The following ZP4 variants were observed in gnomAD, a reference collection of about 807,000 sequenced individuals.
The protein encoded by ZP4 is zona pellucida sperm-binding protein 4.
A neutral mutation model predicts 62.3 loss-of-function variants in ZP4; 62 were observed. The ratio of observed to expected loss-of-function variants is 0.99; its 90% confidence interval spans 0.81 to 1.23. The LOEUF is 1.23. Ranked by LOEUF, ZP4 falls within the 50% of genes most tolerant of loss-of-function variation. The probability of loss-of-function intolerance (pLI) is 0.00; values close to 1 mark genes in which losing one functional copy is unlikely to be tolerated. For synonymous variants in ZP4, 289 were observed against 247.3 expected (o/e 1.17, Z -1.58); for missense variants, 774 against 656.0 (o/e 1.18, Z -1.97).
intron 10 of ZP4, 44 bp from the exon 11 acceptor site, chr1:237,882,890 C>A (rs753881081): frequency 6.5e-7 from 1 of 1,546,990 alleles, no homozygotes. Context: ...TTTTTGCACA[C>A]ATAGGGCAGG....
At position 237,885,854 on chromosome 1, in the gene ZP4, CTACT is replaced by C. The variant is rs1558532649; in HGVS notation, c.868_871del (p.Ser290AlafsTer49). ...CTGGACATTGATTGGGAGAGAGTTG[CTACT>C]TACTGAGTAGCTGCAGCTGACATGG... On this transcript the variant is annotated frameshift_variant, in exon 7 of 12. Coordinates refer to ENST00000366570, the MANE Select transcript of ZP4 (RefSeq NM_021186.5). LOFTEE classifies it high-confidence loss of function. The C allele has an allele frequency of 6.2e-7, 1 of 1,614,134 alleles. No individual in the cohort carries two copies. Among genetic ancestry groups the C allele is most frequent in the East Asian group, 2.2e-5 (1 of 44,862 alleles).
chr1:237,883,967 A>AACACAC (rs201363836), intron 10 of ZP4, among the ~76,000 whole-genome samples: 13 of 86,566 alleles, frequency 1.5e-4, no homozygotes, highest in African/African-American at 6.8e-4. Flanking sequence ...CACACACACA[A>AACACAC]ACACACACAC....
Position 237,889,349 on chromosome 1 carries a change from G to A in ZP4, c.400+518C>T, listed in dbSNP as rs907527594. ...TTTTTTTTTTTTGAGACAGGGTTTC[G>A]CTCTTGTTGCCCAGGCTGTAGTGCA... On this transcript the variant is annotated intron_variant, in intron 3 of 11. Coordinates refer to ENST00000366570, the MANE Select transcript of ZP4 (RefSeq NM_021186.5). 2.8e-4 allele frequency among the ~76,000 whole-genome samples: 40 copies of A among 141,218 alleles called. 1 individual carries two copies. Among genetic ancestry groups the A allele is most frequent in the African/African-American group, 8.9e-4 (33 of 37,244 alleles). 92.6% of individuals were successfully genotyped at this position (141,218 alleles called of 152,430 possible). A position where few individuals can be genotyped will look rare whatever the true frequency, so the allele number is the denominator to read the frequency against.
chr1:237,888,564 A>G, intron 3 of ZP4, 54 bp from the exon 4 acceptor site: 1 of 1,525,414 alleles, frequency 6.6e-7, no homozygotes, highest in South Asian at 1.3e-5. Flanking sequence ...TTAGTCTTGA[A>G]TACCATTTTG....
intron 3 of ZP4, among the ~76,000 whole-genome samples, chr1:237,889,595 G>A (rs1333578076): frequency 6.6e-6 from 1 of 152,100 alleles, no homozygotes; most frequent in Non-Finnish European, 1.5e-5. Context: ...TTACAGGTGT[G>A]AGCCACTGTG....
chr1:237,887,605 T>C, intron 4 of ZP4, 44 bp from the exon 5 acceptor site: 3 of 1,572,590 alleles, frequency 1.9e-6, no homozygotes, highest in Non-Finnish European at 2.6e-6. Flanking sequence ...TCTCTCCCAT[T>C]GTGGGGAGAA....
chr1:237,887,137 A>G (rs1665122028), intron 5 of ZP4, among the ~76,000 whole-genome samples: 1 of 152,188 alleles, frequency 6.6e-6, no homozygotes, highest in Non-Finnish European at 1.5e-5. Context: ...TTTCTTCTCT[A>G]TAGCACGGTA....
rs1665211698 is a variant in ZP4 at position 237,890,357 on chromosome 1, G to A, written c.175+104C>T. Reference sequence around the variant, plus strand: ...TTTCTTTTGCAGAAAGATGCAACAGGGCTCAGAAGGTGAAAGTATCAATAC... The same window carrying A: ...TTTCTTTTGCAGAAAGATGCAACAGAGCTCAGAAGGTGAAAGTATCAATAC... On this transcript the variant is annotated intron_variant, in intron 1 of 11. Transcript: ENST00000366570. 11 of 1,489,854 alleles carry A rather than the reference G, an allele frequency of 7.4e-6. No homozygotes were observed. The South Asian group carries it at 1.4e-4, about 19-fold the overall frequency. 92.3% of individuals were successfully genotyped at this position (1,489,854 alleles called of 1,614,324 possible).
chr1:237,886,214 T>A (rs2103017919), intron 6 of ZP4, among the ~76,000 whole-genome samples: 1 of 152,216 alleles, frequency 6.6e-6, no homozygotes, highest in East Asian at 1.9e-4. Flanking sequence ...CGTCACCCAA[T>A]ATAGAGCAAA....
At chr1:237,888,600 T>C in intron 3 of ZP4, 90 bp from the exon 4 acceptor site, 1 of 1,226,702 alleles carries the variant, frequency 8.2e-7, no homozygotes, top group Non-Finnish European at 1.1e-6. Flanking sequence ...TTTGGATTCC[T>C]GTAGATATGT....
chr1:237,889,789 A>G (rs1007208820), intron 3 of ZP4, 78 bp downstream of exon 3: 2 of 1,226,164 alleles, frequency 1.6e-6, no homozygotes, highest in Non-Finnish European at 2.4e-6. Flanking sequence ...TGCACAGAGC[A>G]GGTCAGAGAG....
At chr1:237,884,937 A>C (rs1665060139) in intron 9 of ZP4, 90 bp from the exon 10 acceptor site, 1 of 1,413,890 alleles carries the variant, frequency 7.1e-7, no homozygotes, top group East Asian at 2.4e-5. Context: ...AGGTTCAGGA[A>C]GTTATCAGAA....
In ZP4 at chr1:237,885,640, C is replaced by T. The variant is rs1210509345; in HGVS notation, c.971-60G>A. The T allele has an allele frequency of 2.5e-6, 4 of 1,596,458 alleles. No individual in the cohort carries two copies. The East Asian group carries it at 6.7e-5, about 27-fold the overall frequency. ...ATCTCTCAGTGACTTGAGGGACTGT[C>T]ACCCCTTTAAATAGCCCCAAGCCCC... On this transcript the variant is annotated intron_variant, in intron 7 of 11. Coordinates refer to ENST00000366570, the MANE Select transcript of ZP4 (RefSeq NM_021186.5).
In ZP4 at chr1:237,882,469, A is replaced by G. The variant is rs1281405208; in HGVS notation, c.1576T>C (p.Leu526=). 6.2e-7 allele frequency: 1 copy of G among 1,610,054 alleles called. No individual in the cohort carries two copies. The highest frequency in any genetic ancestry group is 1.3e-5 in the African/African-American group (1 of 74,524). ...LILGALLVSY[L]AVKKQKSCPD... is the part of the protein sequence containing the mutation. ...CAACTCTTCTGTTTCTTGACAGCCA[A>G]GTAGGATACTAACAAGGCTCCAAGG... Residue 526 remains leucine, a synonymous_variant, in exon 12 of 12, where the codon TTG becomes CTG. Coordinates refer to ENST00000366570, the MANE Select transcript of ZP4 (RefSeq NM_021186.5).
chr1:237,886,618 G>A (rs1303804469), intron 6 of ZP4, among the ~76,000 whole-genome samples, 153 bp downstream of exon 6: 2 of 152,178 alleles, frequency 1.3e-5, no homozygotes, highest in African/African-American at 4.8e-5. Flanking sequence ...CAACACAGAT[G>A]GACCTAATCA....
At position 237,888,439 on chromosome 1, in the gene ZP4, G is replaced by T. The variant is rs778942866; in HGVS notation, c.472C>A (p.Pro158Thr). ...ARDRLPCAPS[P>T]ISRGDCEGLG... ...CCTTCACAGTCTCCTCGAGAGATGG[G>T]TGAAGGTGCACATGGCAGTCTGTCC... Residue 158 changes from proline (P) to threonine (T), a missense_variant, in exon 4 of 12, where the codon CCC (proline) becomes ACC (threonine). Coordinates refer to ENST00000366570, the MANE Select transcript of ZP4 (RefSeq NM_021186.5). 1 of 1,612,522 alleles carries T rather than the reference G, an allele frequency of 6.2e-7. No homozygotes were observed. The highest frequency in any genetic ancestry group is 2.2e-5 in the East Asian group (1 of 44,828).
Position 237,884,843 on chromosome 1 carries a change from T to C in ZP4, c.1316A>G (p.His439Arg). ...GCAGACTGACACGCTGCAGTGCAGATGCACCTGGGAGCCAACAGAATTCAG... is the reference window on the plus strand; with the variant it reads ...GCAGACTGACACGCTGCAGTGCAGACGCACCTGGGAGCCAACAGAATTCAG... Reference protein sequence around the residue: ...VEKQALRGPVHLHCSVSVCQP... With the variant: ...VEKQALRGPVRLHCSVSVCQP... Residue 439 changes from histidine (H) to arginine (R), a missense_variant, in exon 10 of 12, where the codon CAT becomes CGT. Coordinates refer to ENST00000366570, the MANE Select transcript of ZP4 (RefSeq NM_021186.5). 10 of 1,613,210 alleles carry C rather than the reference T, an allele frequency of 6.2e-6. No individual in the cohort carries two copies. The highest frequency in any genetic ancestry group is 8.5e-6 in the Non-Finnish European group (10 of 1,179,616).
Position 237,885,784 on chromosome 1 carries a change from G to A in ZP4, c.942C>T (p.Pro314=), listed in dbSNP as rs201207296. The change falls in exon 7 of 12, where the codon CCC becomes CCT. Residue 314 remains proline (P), a synonymous_variant. Coordinates refer to ENST00000366570, the MANE Select transcript of ZP4 (RefSeq NM_021186.5). The part of the protein sequence containing the change: ...PPPFPETQPG[P]LTLELQIAKD... The stretch of plus-strand genomic sequence containing the variant: ...TGGCAATCTGAAGTTCCAGAGTGAG[G>A]GGTCCAGGCTGGGTCTCAGGAAAGG... 4.6e-5 allele frequency: 74 copies of A among 1,614,088 alleles called. No homozygotes were observed. In the Middle Eastern group the frequency reaches 6.6e-4, roughly 14 times the overall value.
rs111944260 is a variant in ZP4 at position 237,887,579 on chromosome 1, T to G, written c.554-18A>C. 23 of 1,607,536 alleles carry G rather than the reference T, an allele frequency of 1.4e-5. No individual in the cohort carries two copies. In the African/African-American group the frequency reaches 1.9e-4, roughly 13 times the overall value. On this transcript the variant is annotated intron_variant, in intron 4 of 11. Coordinates refer to ENST00000366570, the MANE Select transcript of ZP4 (RefSeq NM_021186.5). Reference sequence around the variant, plus strand: ...CAAGGTCACTGAAACAGAGCAGCTGTGCTGAAGGCAGGTCATCTCTCCCAT... The same window carrying G: ...CAAGGTCACTGAAACAGAGCAGCTGGGCTGAAGGCAGGTCATCTCTCCCAT...
Sources: allele counts gnomAD v4.1 joint callset (sites outside exome capture counted in the v4.1 genomes callset), GRCh38; gene constraint gnomAD v4.1.1; transcripts MANE v1.5; gene names NCBI Gene and HGNC (gene_info 2026-07-23, HGNC 2026-07-21).